Variants in GYS1 observed in about 807,000 individuals in gnomAD.
The protein encoded by GYS1 is glycogen synthase 1.
GYS1 carries 60 observed loss-of-function variants against 89.1 expected under a neutral mutation model. The ratio of observed to expected loss-of-function variants is 0.67; its 90% confidence interval spans 0.55 to 0.84. GYS1 has a LOEUF of 0.84. Among genes scored for constraint, GYS1 ranks in the 40% least tolerant of loss-of-function variants. The pLI is 0.00. For synonymous variants in GYS1, 366 were observed against 401.7 expected (o/e 0.91, Z 1.06); for missense variants, 888 against 1,003.1 (o/e 0.89, Z 1.55).
chr19:48,975,478 T>C (rs564141498), intron 10 of GYS1, among the ~76,000 whole-genome samples: 1 of 152,220 alleles, frequency 6.6e-6, no homozygotes, highest in East Asian at 1.9e-4. Flanking sequence ...CTCCAAGGAC[T>C]ATGAGGAGTT....
At chr19:48,986,862 T>G (rs1222948532) in intron 3 of GYS1, among the ~76,000 whole-genome samples, 7 of 152,158 alleles carry the variant, frequency 4.6e-5, no homozygotes, top group Non-Finnish European at 8.8e-5. Flanking sequence ...AGGCTGGGGA[T>G]TCATGAGCAT....
Position 48,969,362 on chromosome 19 carries a change from C to T in GYS1, c.2140G>A (p.Ala714Thr). The part of the protein sequence containing the change: ...SGSKRNSVDT[A>T]TSSSLSTPSE... Reference sequence around the variant, plus strand: ...GGGGTGCTGAGTGAGCTGGAGGTGGCCGTGTCCACAGAGTTGCGCTTGCTG... The same window carrying T: ...GGGGTGCTGAGTGAGCTGGAGGTGGTCGTGTCCACAGAGTTGCGCTTGCTG... The change falls in exon 16 of 16, where the codon GCC (alanine) becomes ACC (threonine). Residue 714 changes from alanine (A) to threonine (T), a missense_variant. Coordinates refer to ENST00000323798, the MANE Select transcript of GYS1 (RefSeq NM_002103.5). The T allele has an allele frequency of 6.3e-7, 1 of 1,583,222 alleles. No homozygotes were observed. The highest frequency in any genetic ancestry group is 8.5e-7 in the Non-Finnish European group (1 of 1,169,868).
chr19:48,970,010 T>C (rs1438680277), intron 14 of GYS1, among the ~76,000 whole-genome samples, 155 bp from the exon 15 acceptor site: 2 of 152,182 alleles, frequency 1.3e-5, no homozygotes, highest in African/African-American at 4.8e-5. Context: ...CTTATGTAGA[T>C]AAGCAGACCT....
In GYS1 at chr19:48,978,150, C is replaced by T. The variant is rs1234293707; in HGVS notation, c.1177G>A (p.Ala393Thr). The change falls in exon 9 of 16, where the codon GCC becomes ACC. Residue 393 changes from alanine to threonine, a missense_variant. Physicochemically the swap from Ala to Thr is moderately conservative, Grantham distance 58. Coordinates refer to ENST00000323798, the MANE Select transcript of GYS1 (RefSeq NM_002103.5). ...CCGAACTTTTCCTTCACCGTGTTGG[C>T]CGTGTCCCTGGAGGAAGCAGAGCAA... ...QAVRKQLWDT[A>T]NTVKEKFGRK... is the part of the protein sequence containing the mutation. The T allele has an allele frequency of 1.9e-6, 3 of 1,613,564 alleles. No homozygotes were observed. The highest frequency in any genetic ancestry group is 2.5e-6 in the Non-Finnish European group (3 of 1,179,590).
intron 2 of GYS1, among the ~76,000 whole-genome samples, chr19:48,990,709 G>T (rs1388292752): frequency 1.3e-5 from 2 of 152,210 alleles, no homozygotes; most frequent in African/African-American, 4.8e-5. Context: ...CACACAGGCA[G>T]CAAGTGGAGG....
chr19:48,980,005 C>T (rs981958962), intron 8 of GYS1, among the ~76,000 whole-genome samples: 2 of 152,136 alleles, frequency 1.3e-5, no homozygotes, highest in South Asian at 2.1e-4. Flanking sequence ...AGTGCAGTGG[C>T]GCAATCATGC....
rs558928850 is a variant in GYS1 at position 48,969,337 on chromosome 19, G to A, written c.2165C>T (p.Pro722Leu). 3 of 1,584,744 alleles carry A rather than the reference G, an allele frequency of 1.9e-6. No individual in the cohort carries two copies. Among genetic ancestry groups the A allele is most frequent in the Non-Finnish European group, 2.6e-6 (3 of 1,171,510 alleles). ...GCTGGTGGGGCTGAGGGGCTCGCTC[G>A]GGGTGCTGAGTGAGCTGGAGGTGGC... is the stretch of plus-strand genomic sequence containing the variant. The part of the protein sequence containing the change: ...DTATSSSLST[P>L]SEPLSPTSSL... Residue 722 changes from proline to leucine, a missense_variant, in exon 16 of 16, where the codon CCG becomes CTG. By Grantham distance (98) the Pro-to-Leu change is moderately conservative (BLOSUM62 -3). Transcript: ENST00000323798.
chr19:48,982,577 C>G, intron 6 of GYS1, 143 bp downstream of exon 6: 1 of 868,706 alleles, frequency 1.2e-6, no homozygotes, highest in South Asian at 1.4e-5. Context: ...TTCCAGCGCT[C>G]AAGAATTAAG....
At position 48,991,547 on chromosome 19, in the gene GYS1, G is replaced by T; in HGVS notation, c.119-64C>A. 6.5e-7 allele frequency: 1 copy of T among 1,542,752 alleles called. No homozygotes were observed. ...GTCCATAGTTCTGGGGCCTGGGGTGGGGTGGGCCGGGGATGTAGGGGGCAC... is the reference window on the plus strand; with the variant it reads ...GTCCATAGTTCTGGGGCCTGGGGTGTGGTGGGCCGGGGATGTAGGGGGCAC... On this transcript the variant is annotated intron_variant, in intron 1 of 15. Transcript: ENST00000323798. The surrounding 1 kb of genome is among the most constrained non-coding windows in gnomAD (Gnocchi z 4.7).
chr19:48,975,373 C>A (rs953344644), intron 10 of GYS1, among the ~76,000 whole-genome samples: 29 of 151,898 alleles, frequency 1.9e-4, no homozygotes, highest in African/African-American at 6.8e-4. Context: ...CACACCTGGC[C>A]TGGAAATGTT....
rs1395831465 is a variant in GYS1, at chr19:48,974,218, G to A, written c.1544C>T (p.Thr515Ile). ...CCCCTGCCCACTACACTCACCCGGT[G>A]TGTAGCCCCAAGGCTCATAGTAGGA... is the stretch of plus-strand genomic sequence containing the variant. ...FPSYYEPWGY[T>I]PAECTVMGIP... is the part of the protein sequence containing the mutation. The change falls in exon 12 of 16, where the codon ACA (threonine) becomes ATA (isoleucine). Residue 515 changes from threonine to isoleucine, a missense_variant. By Grantham distance (89) the Thr-to-Ile change is moderately conservative. Coordinates refer to ENST00000323798, the MANE Select transcript of GYS1 (RefSeq NM_002103.5). 6.2e-7 allele frequency: 1 copy of A among 1,603,244 alleles called. No homozygotes were observed. The highest frequency in any genetic ancestry group is 1.3e-5 in the African/African-American group (1 of 74,766).
At chr19:48,989,074 T>C (rs1264945858) in intron 2 of GYS1, among the ~76,000 whole-genome samples, 2 of 151,840 alleles carry the variant, frequency 1.3e-5, no homozygotes, top group Non-Finnish European at 2.9e-5. Context: ...CTTCCCTCTC[T>C]CCCTCCTTCC....
At position 48,968,724 on chromosome 19, in the gene GYS1, G is replaced by T. The variant is rs1409693201; in HGVS notation, c.*564C>A. 1 of 454,028 alleles carries T rather than the reference G, an allele frequency of 2.2e-6. No homozygotes were observed. Among genetic ancestry groups the T allele is most frequent in the African/African-American group, 2.0e-5 (1 of 50,014 alleles). 28.1% of individuals were successfully genotyped at this position (454,028 alleles called of 1,614,324 possible). On this transcript the variant is annotated 3_prime_UTR_variant, in exon 16 of 16. Transcript: ENST00000323798. ...GAGCCTGGCTCTGACATGCCAGGGA[G>T]GGCTAGAACATCCCTCCCAGAGCCC...
intron 2 of GYS1, among the ~76,000 whole-genome samples, chr19:48,990,711 A>G (rs1038600361): frequency 6.6e-6 from 1 of 152,212 alleles, no homozygotes; most frequent in African/African-American, 2.4e-5. Flanking sequence ...CACAGGCAGC[A>G]AGTGGAGGGT....
At chr19:48,970,151 C>G (rs535961158) in intron 14 of GYS1, 13 of 498,640 alleles carry the variant, frequency 2.6e-5, no homozygotes, top group African/African-American at 9.7e-5. Context: ...TAAACACGGT[C>G]TTGTTCTGTT....
chr19:48,992,727 AGCCTGCCTCCAG>A (rs1384511450), intron 1 of GYS1, among the ~76,000 whole-genome samples: 15 of 152,004 alleles, frequency 9.9e-5, no homozygotes, highest in African/African-American at 3.4e-4. Flanking sequence ...GTCTCTCGGA[AGCCTGCCTCCAG>A]GACCTAGGAG....
intron 13 of GYS1, 97 bp downstream of exon 13, chr19:48,970,831 C>T (rs947377748): frequency 1.9e-5 from 26 of 1,376,214 alleles, no homozygotes; most frequent in Non-Finnish European, 2.6e-5. Flanking sequence ...TTTCCTGGTG[C>T]CCCTGGTCTC....
At chr19:48,969,881 G>C (rs1299047396) in intron 14 of GYS1, 26 bp from the exon 15 acceptor site, 1 of 1,545,162 alleles carries the variant, frequency 6.5e-7, no homozygotes, top group East Asian at 2.2e-5. Context: ...AGAGGGGGCA[G>C]AGGATGTGAG....
At chr19:48,971,861 CTTT>C (rs540518757) in intron 12 of GYS1, among the ~76,000 whole-genome samples, 2 of 137,954 alleles carry the variant, frequency 1.4e-5, no homozygotes, top group Non-Finnish European at 3.1e-5. Flanking sequence ...TGGCCCAATG[CTTT>C]TTTTTTTTTT....
Sources: gnomAD v4.1 joint callset for allele counts (sites outside exome capture counted in the v4.1 genomes callset) on GRCh38, gnomAD v4.1.1 for gene constraint, Gnocchi (gnomAD v3.1) non-coding constraint, MANE v1.5 for transcripts, NCBI Gene and HGNC (gene_info 2026-07-23, HGNC 2026-07-21) for gene names.